Variants in UFSP2 observed in about 807,000 individuals in gnomAD.
UFSP2 encodes ufm1-specific protease 2.
UFSP2 carries 43 observed loss-of-function variants against 60.2 expected under a neutral mutation model. The ratio of observed to expected loss-of-function variants is 0.71; its 90% CI spans 0.56 to 0.92. UFSP2 has a LOEUF of 0.92. Among genes scored for constraint, UFSP2 ranks in the 40% least tolerant of loss-of-function variants. UFSP2 has a pLI of 0.00. For missense variants in UFSP2, 520 were observed against 575.0 expected, an observed-to-expected ratio of 0.90 and a Z score of 0.98; for synonymous variants, 183 against 195.1, an observed-to-expected ratio of 0.94 and a Z score of 0.52.
At position 185,415,701 on chromosome 4, in the gene UFSP2, AATACTT is replaced by A; in HGVS notation, c.491+3_491+8del. On this transcript the variant is annotated splice_donor_5th_base_variant and intron_variant, in intron 5 of 11. Transcript: ENST00000264689. ...TCAAATGTGGCAGTGGTACTATAAA[AATACTT>A]ACTTTCCCCATGTTTCTTCTGGAGC... 6.2e-7 allele frequency: 1 copy of A among 1,604,114 alleles called. No homozygotes were observed. The highest frequency in any genetic ancestry group is 8.5e-7 in the Non-Finnish European group (1 of 1,175,732).
chr4:185,411,540 A>G lies in UFSP2; in HGVS notation c.831+2186T>C, dbSNP rs184009644. 2.5e-3 allele frequency among the ~76,000 whole-genome samples: 382 copies of G among 152,346 alleles called. 1 individual carries two copies. The highest frequency in any genetic ancestry group is 5.5e-3 in the Admixed American group (84 of 15,300). On this transcript the variant is annotated intron_variant, in intron 7 of 11. Transcript: ENST00000264689. Reference sequence around the variant, plus strand: ...AGCAAATGGAATCCAGAGGGGAATAAAAAATAATGAGTCATAACCAAACCG... The same window carrying G: ...AGCAAATGGAATCCAGAGGGGAATAGAAAATAATGAGTCATAACCAAACCG...
At position 185,399,699 on chromosome 4, in the gene UFSP2, T is replaced by C; in HGVS notation, c.*693A>G. ...AAGCAAGTGAACACCCTGACAGGAA[T>C]GATTGTGTTGCCGTGCTCAGACAGA... On this transcript the variant is annotated 3_prime_UTR_variant, in exon 12 of 12. Coordinates refer to ENST00000264689, the MANE Select transcript of UFSP2 (RefSeq NM_018359.5). 1.9e-6 allele frequency: 3 copies of C among 1,614,140 alleles called. No homozygotes were observed. The highest frequency in any genetic ancestry group is 1.6e-4 in the Middle Eastern group (1 of 6,062).
chr4:185,421,609 G>A (rs1003810374), intron 2 of UFSP2, among the ~76,000 whole-genome samples: 1 of 152,192 alleles, frequency 6.6e-6, no homozygotes, highest in Non-Finnish European at 1.5e-5. Context: ...AGCCTCACCA[G>A]CAGCAGATGC....
intron 10 of UFSP2, among the ~76,000 whole-genome samples, chr4:185,404,341 G>A (rs1056944140): frequency 6.9e-6 from 1 of 144,944 alleles, no homozygotes; most frequent in Non-Finnish European, 1.5e-5. Context: ...CGTCACCCAG[G>A]CTGGAGTGCG....
At chr4:185,401,325 T>C (rs1005526910) in intron 11 of UFSP2, among the ~76,000 whole-genome samples, 1 of 152,212 alleles carries the variant, frequency 6.6e-6, no homozygotes, top group African/African-American at 2.4e-5. Flanking sequence ...AATCATCTCA[T>C]TTTTTCAGCA....
intron 9 of UFSP2, chr4:185,406,126 C>T: frequency 2.1e-6 from 1 of 474,160 alleles, no homozygotes; most frequent in Non-Finnish European, 3.6e-6. Context: ...TAAAGGAGGC[C>T]TGGGTTTTTA....
rs553326723 is a variant in UFSP2, at chr4:185,415,470, G to A, written c.492-123C>T. 1.1e-4 allele frequency: 94 copies of A among 886,428 alleles called. 1 individual carries two copies. The Middle Eastern group carries it at 1.4e-3, about 13-fold the overall frequency. 54.9% of individuals were successfully genotyped at this position (886,428 alleles called of 1,614,324 possible). A position where few individuals can be genotyped will look rare whatever the true frequency, so the allele number is the denominator to read the frequency against. ...GATTGGACCAGGTTTGCTAAAGGAA[G>A]TCTGAATTATACATTATAAAAGAAA... On this transcript the variant is annotated intron_variant, in intron 5 of 11. Transcript: ENST00000264689.
chr4:185,418,819 C>T, intron 2 of UFSP2, 49 bp from the exon 3 acceptor site: 8 of 1,427,100 alleles, frequency 5.6e-6, no homozygotes, highest in Non-Finnish European at 7.5e-6. Flanking sequence ...AATTTTTCAA[C>T]ATGAATGGTT....
chr4:185,418,741 CAT>C lies in UFSP2; in HGVS notation c.110_111del (p.His37ArgfsTer4), dbSNP rs760594879. 3.5e-5 allele frequency: 56 copies of C among 1,602,518 alleles called. No individual in the cohort carries two copies. Among genetic ancestry groups the C allele is most frequent in the African/African-American group, 1.3e-4 (10 of 74,410 alleles). On this transcript the variant is annotated frameshift_variant, in exon 3 of 12. Transcript: ENST00000264689. LOFTEE classifies it high-confidence loss of function. The stretch of plus-strand genomic sequence containing the variant: ...AGCTTAGTTGACAGGTCACTCAACA[CAT>C]GTTTCAGTGCCTTCTTGAGAAAAAT... ...NEIFLKKALK[H>X]VLSDLSTKLS...
At chr4:185,416,137 G>C (rs967860502) in intron 4 of UFSP2, 2 of 249,060 alleles carry the variant, frequency 8.0e-6, no homozygotes, top group Admixed American at 1.1e-4. Flanking sequence ...ACAGTAAAAA[G>C]ATTAAAAGCA....
Position 185,400,071 on chromosome 4 carries a change from A to G in UFSP2, c.*321T>C. 10 of 1,484,326 alleles carry G rather than the reference A, an allele frequency of 6.7e-6. No homozygotes were observed. The highest frequency in any genetic ancestry group is 8.4e-6 in the Non-Finnish European group (9 of 1,076,300). The allele number at this position is 1,484,326 out of a possible 1,614,324, so 91.9% of individuals were successfully genotyped here. A position where few individuals can be genotyped will look rare whatever the true frequency, so the allele number is the denominator to read the frequency against. ...GAACGCCTTCATTTCATGCAAATCT[A>G]TAAGCTCCTGCTTTTGGCTTTACCA... On this transcript the variant is annotated 3_prime_UTR_variant, in exon 12 of 12. Coordinates refer to ENST00000264689, the MANE Select transcript of UFSP2 (RefSeq NM_018359.5).
chr4:185,406,072 G>T, intron 9 of UFSP2: 2 of 1,001,594 alleles, frequency 2.0e-6, no homozygotes, highest in Non-Finnish European at 2.9e-6. Context: ...AAGTGTGCTA[G>T]ATAAGACGCT....
chr4:185,404,760 AT>A (rs1233038736), intron 10 of UFSP2, among the ~76,000 whole-genome samples: 1 of 151,086 alleles, frequency 6.6e-6, no homozygotes, highest in African/African-American at 2.4e-5. Flanking sequence ...TAAATTTTGT[AT>A]TTTTAGTAGA....
chr4:185,404,281 T>TGA (rs2095517294), intron 10 of UFSP2, among the ~76,000 whole-genome samples: 1 of 143,870 alleles, frequency 7.0e-6, no homozygotes, highest in Non-Finnish European at 1.5e-5. Flanking sequence ...GATATAGCAC[T>TGA]CCATTCATTA....
intron 6 of UFSP2, among the ~76,000 whole-genome samples, chr4:185,414,328 A>C (rs1429890511): frequency 6.6e-6 from 1 of 152,222 alleles, no homozygotes; most frequent in Admixed American, 6.5e-5. Flanking sequence ...ACAGAGTAGA[A>C]GTTAGTGGTC....
intron 11 of UFSP2, among the ~76,000 whole-genome samples, chr4:185,402,663 A>ATTTT (rs1283211824): frequency 6.6e-6 from 1 of 152,114 alleles, no homozygotes; most frequent in Non-Finnish European, 1.5e-5. Flanking sequence ...TTTAGTAGAG[A>ATTTT]TGGGGTTTCA....
rs1230406541 is a variant in UFSP2, at chr4:185,415,848, T to C, written c.353A>G (p.Asp118Gly). Residue 118 changes from aspartate (D) to glycine (G), a missense_variant, in exon 5 of 12, where the codon GAT becomes GGT. By Grantham distance (94) the Asp-to-Gly change is moderately conservative (BLOSUM62 -1). Transcript: ENST00000264689. ...LSDMHQIVNI[D>G]LMLEMSTSLA... is the part of the protein sequence containing the mutation. ...GGAGGTTGACATTTCCAGCATAAGA[T>C]CTATATTTACTATTTGATGCTATAT... 3 of 1,613,484 alleles carry C rather than the reference T, an allele frequency of 1.9e-6. No homozygotes were observed. Among genetic ancestry groups the C allele is most frequent in the Non-Finnish European group, 2.5e-6 (3 of 1,179,584 alleles).
chr4:185,410,084 C>T (rs1057327411), intron 7 of UFSP2, among the ~76,000 whole-genome samples: 3 of 151,992 alleles, frequency 2.0e-5, no homozygotes, highest in African/African-American at 7.2e-5. Context: ...CAATAAATTT[C>T]AGAGTTAGTT....
rs1170916774 is a variant in UFSP2, at chr4:185,413,758, A to G, written c.799T>C (p.Tyr267His). Residue 267 changes from tyrosine to histidine, a missense_variant, in exon 7 of 12, where the codon TAC becomes CAC. Tyr to His is a moderately conservative substitution (Grantham distance 83). Transcript: ENST00000264689. ...KDGYIRNPHT[Y>H]LNPPNMETGM... ...GTCTCCATGTTAGGTGGATTAAGGT[A>G]AGTATGTGGATTTCTAATGTAACCA... The G allele has an allele frequency of 6.2e-7, 1 of 1,613,020 alleles. No individual in the cohort carries two copies.
Sources: gnomAD v4.1 joint callset for allele counts (sites outside exome capture counted in the v4.1 genomes callset) on GRCh38, gnomAD v4.1.1 for gene constraint, MANE v1.5 for transcripts, NCBI Gene and HGNC (gene_info 2026-07-23, HGNC 2026-07-21) for gene names.